Variants in MXD4 observed in about 807,000 individuals in gnomAD.
MXD4 encodes the protein MAX dimerization protein 4.
Under a neutral mutation model 24.5 loss-of-function variants are expected in MXD4, and 16 were observed. The observed-to-expected ratio is 0.65, with a 90% CI of 0.44 to 0.99. MXD4 has a LOEUF of 0.99. Ranked by LOEUF, MXD4 falls within the 50% of genes least tolerant of loss-of-function variation. The pLI, the probability that MXD4 is intolerant of heterozygous loss-of-function variation, is 0.00. For missense variants in MXD4, 301 were observed against 301.5 expected (o/e 1.00, Z 0.01); for synonymous variants, 164 against 134.2 (o/e 1.22, Z -1.54).
chr4:2,257,209 C>G (rs1407209896), intron 3 of MXD4, among the ~76,000 whole-genome samples: 2 of 152,146 alleles, frequency 1.3e-5, no homozygotes, highest in African/African-American at 4.8e-5. Flanking sequence ...CTGGAGGGGA[C>G]TGTGGGGGGC....
chr4:2,251,253 T>C lies in MXD4; in HGVS notation c.310-7A>G, dbSNP rs2071658. The C allele has an allele frequency of 4.4e-6, 7 of 1,581,700 alleles. No individual in the cohort carries two copies. Among genetic ancestry groups the C allele is most frequent in the Non-Finnish European group, 5.2e-6 (6 of 1,159,758 alleles). On this transcript the variant is annotated splice_region_variant and splice_polypyrimidine_tract_variant and intron_variant, in intron 4 of 5. Coordinates refer to ENST00000337190, the MANE Select transcript of MXD4 (RefSeq NM_006454.3). ...GGTCCTGCTCCTCCAGTTTCTGGGGTCGAGGGGGGCTGTGAGCTCACAGCG... is the reference window on the plus strand; with the variant it reads ...GGTCCTGCTCCTCCAGTTTCTGGGGCCGAGGGGGGCTGTGAGCTCACAGCG...
At chr4:2,261,232 G>T (rs1735535921) in intron 2 of MXD4, among the ~76,000 whole-genome samples, 1 of 152,326 alleles carries the variant, frequency 6.6e-6, no homozygotes, top group African/African-American at 2.4e-5. Context: ...GGCTCCTGGG[G>T]GCGGGGGAAG....
Position 2,250,442 on chromosome 4 carries a change from C to G in MXD4, c.*102G>C. On this transcript the variant is annotated 3_prime_UTR_variant, in exon 6 of 6. Transcript: ENST00000337190. ...AGCAGCTGGAGCTTCCAGAATGGCA[C>G]AGCAGTGGGCCTGTGGAGAGGCTGG... 1 of 1,355,220 alleles carries G rather than the reference C, an allele frequency of 7.4e-7. No homozygotes were observed. Among genetic ancestry groups the G allele is most frequent in the Non-Finnish European group, 9.8e-7 (1 of 1,022,162 alleles). 83.9% of individuals were successfully genotyped at this position (1,355,220 alleles called of 1,614,324 possible).
rs1457612628 is a variant in MXD4, at chr4:2,251,256, AG to A, written c.310-11del. ...CCTGCTCCTCCAGTTTCTGGGGTCG[AG>A]GGGGGCTGTGAGCTCACAGCGGGAA... On this transcript the variant is annotated splice_polypyrimidine_tract_variant and intron_variant, in intron 4 of 5. Transcript: ENST00000337190. 3.2e-6 allele frequency: 5 copies of A among 1,579,338 alleles called. No individual in the cohort carries two copies. In the East Asian group the frequency reaches 6.8e-5, roughly 22 times the overall value.
chr4:2,260,109 C>T (rs752887619), intron 2 of MXD4, among the ~76,000 whole-genome samples: 13 of 152,354 alleles, frequency 8.5e-5, no homozygotes, highest in Admixed American at 2.0e-4. Flanking sequence ...GGGGCCAAGC[C>T]GCCAGCCCTG....
Position 2,250,317 on chromosome 4 carries a change from A to G in MXD4, c.*227T>C, listed in dbSNP as rs1735290798. 1.2e-5 allele frequency: 7 copies of G among 599,076 alleles called. No homozygotes were observed. The allele number at this position is 599,076 out of a possible 1,614,324, so 37.1% of individuals were successfully genotyped here. ...TGCTGACCAGGGCTCCGGATGTGGA[A>G]GCTGGGCCCTGCCTCCTTGCAGGGG... On this transcript the variant is annotated 3_prime_UTR_variant, in exon 6 of 6. Transcript: ENST00000337190.
At chr4:2,252,863 G>A (rs971735583) in intron 3 of MXD4, 55 of 195,406 alleles carry the variant, frequency 2.8e-4, no homozygotes, top group Non-Finnish European at 3.9e-4. Context: ...GGGAGGGGTG[G>A]GGTGAGGCGA....
intron 2 of MXD4, among the ~76,000 whole-genome samples, chr4:2,260,728 A>T (rs1296649179): frequency 1.3e-5 from 2 of 152,208 alleles, no homozygotes; most frequent in Non-Finnish European, 2.9e-5. Context: ...ATGGGTCCCT[A>T]CACCAGCCTT....
intron 3 of MXD4, chr4:2,255,070 C>A: frequency 2.8e-6 from 1 of 354,530 alleles, no homozygotes; most frequent in South Asian, 2.1e-5. Context: ...ACAAAGAACG[C>A]TGGTGGCACA....
chr4:2,259,542 G>C (rs1256643445), intron 2 of MXD4, among the ~76,000 whole-genome samples: 1 of 152,218 alleles, frequency 6.6e-6, no homozygotes, highest in East Asian at 1.9e-4. Flanking sequence ...TGGGTCTGTA[G>C]TCAAGAGGGA....
intron 2 of MXD4, among the ~76,000 whole-genome samples, chr4:2,260,744 T>A (rs1355786489): frequency 6.6e-6 from 1 of 152,194 alleles, no homozygotes; most frequent in Non-Finnish European, 1.5e-5. Context: ...GCCTTTCGGA[T>A]TCCCTAGAAC....
At chr4:2,254,994 G>T (rs144951323) in intron 3 of MXD4, 38 of 295,450 alleles carry the variant, frequency 1.3e-4, no homozygotes, top group African/African-American at 8.6e-4. Context: ...GATCCACAAA[G>T]GTCTGCGCTC....
At chr4:2,255,814 C>G (rs1382647067) in intron 3 of MXD4, among the ~76,000 whole-genome samples, 2 of 152,220 alleles carry the variant, frequency 1.3e-5, no homozygotes, top group Non-Finnish European at 2.9e-5. Context: ...CAAAAACCCC[C>G]ATGCCCAGAG....
In MXD4 at chr4:2,261,948, C is replaced by T. The variant is rs1735557711; in HGVS notation, c.33G>A (p.Glu11=). ...CCCTGCGCTCCAGGTACTCGGCCGC[C>T]TCCAGCAGGATCAGCAGGGAGTTCA... The part of the protein sequence containing the change: MELNSLLILL[E]AAEYLERRDR... The change falls in exon 1 of 6, where the codon GAG becomes GAA. Residue 11 remains glutamate (E), a synonymous_variant. Coordinates refer to ENST00000337190, the MANE Select transcript of MXD4 (RefSeq NM_006454.3). 1.4e-6 allele frequency: 2 copies of T among 1,454,082 alleles called. No homozygotes were observed. Among genetic ancestry groups the T allele is most frequent in the East Asian group, 6.0e-5 (2 of 33,472 alleles). 90.1% of individuals were successfully genotyped at this position (1,454,082 alleles called of 1,614,324 possible). A position where few individuals can be genotyped will look rare whatever the true frequency, so the allele number is the denominator to read the frequency against.
chr4:2,256,778 G>A (rs1027036192), intron 3 of MXD4, among the ~76,000 whole-genome samples: 24 of 152,070 alleles, frequency 1.6e-4, no homozygotes, highest in Non-Finnish European at 2.9e-4. Flanking sequence ...TCCTCCCCAA[G>A]GGCTGCCACG....
rs573232288 is a variant in MXD4, at chr4:2,252,500, G to A, written c.217C>T (p.Leu73Phe). The A allele has an allele frequency of 6.2e-7, 1 of 1,612,076 alleles. No individual in the cohort carries two copies. Among genetic ancestry groups the A allele is most frequent in the Non-Finnish European group, 8.5e-7 (1 of 1,179,776 alleles). ...GGCACCAGTTGCTTGAGCTGCTCAA[G>A]GTACAGCCTGAGTTTGGCTCGTCTG... ...KHRRAKLRLY[L>F]EQLKQLVPLG... The change falls in exon 4 of 6, where the codon CTT becomes TTT. Residue 73 changes from leucine (L) to phenylalanine (F), a missense_variant. Leu to Phe is a conservative substitution (Grantham distance 22). Transcript: ENST00000337190.
In MXD4 at chr4:2,262,034, C is replaced by A; in HGVS notation, c.-54G>T. On this transcript the variant is annotated 5_prime_UTR_variant, in exon 1 of 6. Coordinates refer to ENST00000337190, the MANE Select transcript of MXD4 (RefSeq NM_006454.3). Reference sequence around the variant, plus strand: ...ACGGCGGCGGCCGCTGCCCGGCCCGCTCCGGCCGGCTCCGCTCGCCGCCCA... The same window carrying A: ...ACGGCGGCGGCCGCTGCCCGGCCCGATCCGGCCGGCTCCGCTCGCCGCCCA... 1 of 964,066 alleles carries A rather than the reference C, an allele frequency of 1.0e-6. No individual in the cohort carries two copies. Among genetic ancestry groups the A allele is most frequent in the South Asian group, 4.7e-5 (1 of 21,344 alleles). 59.7% of individuals were successfully genotyped at this position (964,066 alleles called of 1,614,324 possible).
chr4:2,256,779 G>A (rs1735440321), intron 3 of MXD4, among the ~76,000 whole-genome samples: 1 of 152,100 alleles, frequency 6.6e-6, no homozygotes, highest in Admixed American at 6.5e-5. Flanking sequence ...CCTCCCCAAG[G>A]GCTGCCACGC....
At chr4:2,257,195 C>A (rs563715926) in intron 3 of MXD4, among the ~76,000 whole-genome samples, 1 of 152,192 alleles carries the variant, frequency 6.6e-6, no homozygotes, top group South Asian at 2.1e-4. Context: ...AGCACCAAAT[C>A]TTTCTGGAGG....
Sources: gnomAD v4.1 joint callset for allele counts (sites outside exome capture counted in the v4.1 genomes callset) on GRCh38, gnomAD v4.1.1 for gene constraint, MANE v1.5 for transcripts, NCBI Gene and HGNC (gene_info 2026-07-23, HGNC 2026-07-21) for gene names.